HS3ST3A1: variants seen among roughly 807,000 people sequenced by gnomAD.
The protein encoded by HS3ST3A1 is heparan sulfate-glucosamine 3-sulfotransferase 3A1.
Under a neutral mutation model 25.7 loss-of-function variants are expected in HS3ST3A1, and 19 were observed. The ratio of observed to expected loss-of-function variants is 0.74; its 90% CI spans 0.52 to 1.08. HS3ST3A1 has a LOEUF of 1.08. HS3ST3A1 is among the 50% of genes least tolerant of loss of function. HS3ST3A1 has a pLI of 0.00. For synonymous variants in HS3ST3A1, 226 were observed against 278.6 expected, an observed-to-expected ratio of 0.81 and a Z score of 1.88; for missense variants, 459 against 594.3, an observed-to-expected ratio of 0.77 and a Z score of 2.37.
intron 1 of HS3ST3A1, among the ~76,000 whole-genome samples, chr17:13,548,932 G>GAACCAATCA (rs1250795088): frequency 6.6e-5 from 10 of 152,156 alleles, no homozygotes; most frequent in African/African-American, 2.4e-4. Context: ...TCTGTAAAAT[G>GAACCAATCA]GACCAATCAG....
intron 1 of HS3ST3A1, among the ~76,000 whole-genome samples, chr17:13,546,289 C>T (rs1388618207): frequency 2.0e-5 from 3 of 151,924 alleles, no homozygotes; most frequent in Non-Finnish European, 2.9e-5. Flanking sequence ...TTTTTTTTGA[C>T]GGAGTCTCAC....
rs144440314 is a variant in HS3ST3A1, at chr17:13,526,065, A to C, written c.600-29247T>G. 8.7e-3 allele frequency among the ~76,000 whole-genome samples: 1,326 copies of C among 152,028 alleles called. 22 individuals are homozygous for C. The highest frequency in any genetic ancestry group is 0.031 in the African/African-American group (1,266 of 41,502). Reference sequence around the variant, plus strand: ...TCCAGGCACCAACCTTGCCATCTGCAGGCCTGAATCCTGCTTGTTCAGTCC... The same window carrying C: ...TCCAGGCACCAACCTTGCCATCTGCCGGCCTGAATCCTGCTTGTTCAGTCC... On this transcript the variant is annotated intron_variant, in intron 1 of 1. Transcript: ENST00000284110.
chr17:13,568,452 C>T (rs1907727974), intron 1 of HS3ST3A1, among the ~76,000 whole-genome samples: 1 of 152,182 alleles, frequency 6.6e-6, no homozygotes, highest in South Asian at 2.1e-4. Context: ...TTTTAATCTG[C>T]AGTTTATCCT....
At chr17:13,536,985 GA>G (rs1434749080) in intron 1 of HS3ST3A1, among the ~76,000 whole-genome samples, 6 of 152,182 alleles carry the variant, frequency 3.9e-5, no homozygotes, top group African/African-American at 1.4e-4. Flanking sequence ...TATGCTAAGT[GA>G]CCTGACGTAA....
chr17:13,520,813 T>C lies in HS3ST3A1; in HGVS notation c.600-23995A>G, dbSNP rs577116875. 4.9e-4 allele frequency among the ~76,000 whole-genome samples: 74 copies of C among 152,274 alleles called. 1 individual carries two copies. The highest frequency in any genetic ancestry group is 1.7e-3 in the African/African-American group (72 of 41,554). ...TTTTAGTAGAGATGGAATTTCACCA[T>C]GTTGGTCAGGCTGGTTTCTAACTCC... On this transcript the variant is annotated intron_variant, in intron 1 of 1. Coordinates refer to ENST00000284110, the MANE Select transcript of HS3ST3A1 (RefSeq NM_006042.3).
chr17:13,568,689 C>T (rs1907732666), intron 1 of HS3ST3A1, among the ~76,000 whole-genome samples: 1 of 152,122 alleles, frequency 6.6e-6, no homozygotes, highest in African/African-American at 2.4e-5. Flanking sequence ...AGGTTTCTTT[C>T]TTCGAGTGAC....
At chr17:13,593,071 G>T (rs1908472095) in intron 1 of HS3ST3A1, among the ~76,000 whole-genome samples, 2 of 152,052 alleles carry the variant, frequency 1.3e-5, no homozygotes, top group Non-Finnish European at 2.9e-5. Flanking sequence ...TACAACAAAG[G>T]TTAAAACAAG....
chr17:13,576,403 T>C (rs1232195745), intron 1 of HS3ST3A1, among the ~76,000 whole-genome samples: 1 of 152,270 alleles, frequency 6.6e-6, no homozygotes, highest in Non-Finnish European at 1.5e-5. Context: ...CCATAGGCGC[T>C]GCTCACAAAA....
At chr17:13,534,210 A>G (rs2092984990) in intron 1 of HS3ST3A1, among the ~76,000 whole-genome samples, 1 of 152,172 alleles carries the variant, frequency 6.6e-6, no homozygotes, top group Admixed American at 6.6e-5. Flanking sequence ...TCTAACTTAC[A>G]GTGTTACTGA....
rs1361308885 is a variant in HS3ST3A1 at position 13,511,680 on chromosome 17, A to G, written c.600-14862T>C. ...TAGGTCTAGATGAAACAGCTGAAGC[A>G]TGGTACTGATTCTTTCTAGTGGCAA... On this transcript the variant is annotated intron_variant, in intron 1 of 1. Transcript: ENST00000284110. Among the ~76,000 whole-genome samples the G allele has an allele frequency of 2.6e-5, 4 of 151,386 alleles. No individual in the cohort carries two copies. In the Admixed American group the frequency reaches 2.6e-4, roughly 10 times the overall value.
At chr17:13,518,617 G>A (rs931118598) in intron 1 of HS3ST3A1, among the ~76,000 whole-genome samples, 12 of 152,116 alleles carry the variant, frequency 7.9e-5, no homozygotes, top group Admixed American at 7.9e-4. Flanking sequence ...CATGTGACTT[G>A]CTTTGGCCAA....
intron 1 of HS3ST3A1, among the ~76,000 whole-genome samples, chr17:13,583,615 CA>C (rs1908171217): frequency 6.6e-6 from 1 of 152,064 alleles, no homozygotes; most frequent in Non-Finnish European, 1.5e-5. Context: ...ATTTTTTTAT[CA>C]AACTGGAAAA....
At chr17:13,598,009 C>A (rs943541710) in intron 1 of HS3ST3A1, among the ~76,000 whole-genome samples, 25 of 152,184 alleles carry the variant, frequency 1.6e-4, no homozygotes, top group African/African-American at 5.8e-4. Context: ...AGGATTCTCC[C>A]GTGTCAATGT....
chr17:13,553,764 T>A (rs1324791203), intron 1 of HS3ST3A1, among the ~76,000 whole-genome samples: 1 of 152,166 alleles, frequency 6.6e-6, no homozygotes, highest in Non-Finnish European at 1.5e-5. Flanking sequence ...TTTATCAAAA[T>A]ACCTTTTTTT....
intron 1 of HS3ST3A1, among the ~76,000 whole-genome samples, chr17:13,594,268 T>G (rs1408782985): frequency 6.6e-6 from 1 of 152,202 alleles, no homozygotes; most frequent in African/African-American, 2.4e-5. Flanking sequence ...CAATCTGTCC[T>G]ATTTGTCCCT....
At chr17:13,578,302 C>T (rs938604411) in intron 1 of HS3ST3A1, among the ~76,000 whole-genome samples, 24 of 149,988 alleles carry the variant, frequency 1.6e-4, no homozygotes, top group African/African-American at 5.6e-4. Context: ...AATCTCAGAG[C>T]TTTGTGAGGC....
chr17:13,528,150 C>T (rs572789632), intron 1 of HS3ST3A1, among the ~76,000 whole-genome samples: 18 of 152,228 alleles, frequency 1.2e-4, no homozygotes, highest in African/African-American at 3.6e-4. Flanking sequence ...GTATAAGTAA[C>T]GAACGTCTCC....
chr17:13,549,505 G>T (rs963276032), intron 1 of HS3ST3A1, among the ~76,000 whole-genome samples: 15 of 152,158 alleles, frequency 9.9e-5, no homozygotes, highest in African/African-American at 3.6e-4. Flanking sequence ...TTCCTTCTGT[G>T]TAAAAATTTC....
At chr17:13,593,340 G>A (rs1012230498) in intron 1 of HS3ST3A1, among the ~76,000 whole-genome samples, 2 of 151,096 alleles carry the variant, frequency 1.3e-5, no homozygotes, top group Non-Finnish European at 2.9e-5. Flanking sequence ...TTACATCAAC[G>A]TTTTTGTTCT....
Sources: allele counts gnomAD v4.1 joint callset (sites outside exome capture counted in the v4.1 genomes callset), GRCh38; gene constraint gnomAD v4.1.1; transcripts MANE v1.5; gene names NCBI Gene and HGNC (gene_info 2026-07-23, HGNC 2026-07-21).